NPIPB2: variants seen among roughly 807,000 people sequenced by gnomAD.
NPIPB2 encodes nuclear pore complex-interacting protein family member B2.
A neutral mutation model predicts 30.8 loss-of-function variants in NPIPB2; 27 were observed. That is an observed-to-expected ratio of 0.88 (90% CI 0.65 to 1.21). The LOEUF (loss-of-function observed/expected upper bound fraction) is 1.21. Ranked by LOEUF, NPIPB2 falls within the 50% of genes most tolerant of loss-of-function variation. The pLI is 0.00. For missense variants in NPIPB2, 440 were observed against 446.2 expected (o/e 0.99, Z 0.13); for synonymous variants, 147 against 162.0 (o/e 0.91, Z 0.70).
At chr16:11,966,541 A>C (rs2055195658) in intron 1 of NPIPB2, among the ~76,000 whole-genome samples, 1 of 152,182 alleles carries the variant, frequency 6.6e-6, no homozygotes, top group African/African-American at 2.4e-5. Flanking sequence ...ATTTTCTACA[A>C]TGTCAGTCTT....
chr16:11,970,724 C>T (rs746969063), intron 1 of NPIPB2, among the ~76,000 whole-genome samples: 69 of 151,262 alleles, frequency 4.6e-4, no homozygotes, highest in Non-Finnish European at 7.5e-4. Context: ...TTAATATAGA[C>T]GGGGTTTCAC....
At chr16:11,970,774 T>C (rs1264014606) in intron 1 of NPIPB2, among the ~76,000 whole-genome samples, 1 of 152,058 alleles carries the variant, frequency 6.6e-6, no homozygotes. Flanking sequence ...GACCTCGTGA[T>C]CTACCTGCCT....
At chr16:11,937,748 C>G in intron 1 of NPIPB2, 80 bp from the exon 2 acceptor site, 1 of 1,517,698 alleles carries the variant, frequency 6.6e-7, no homozygotes, top group Non-Finnish European at 9.0e-7. Context: ...TCCTTAGAAA[C>G]CGTCAACCTC....
intron 1 of NPIPB2, among the ~76,000 whole-genome samples, chr16:11,940,673 T>C (rs923011133): frequency 1.1e-4 from 15 of 142,730 alleles, no homozygotes; most frequent in East Asian, 4.2e-4. Context: ...GGCAGGACAA[T>C]TGCTTGAACC....
At chr16:11,944,500 C>T (rs1033388477), upstream of NPIPB2, among the ~76,000 whole-genome samples, 5 of 151,434 alleles carry the variant, frequency 3.3e-5, no homozygotes, top group South Asian at 2.1e-4. Flanking sequence ...CGGTAGCTCA[C>T]GCCTGTAATC....
At chr16:11,952,227 A>T (rs917055870) in intron 1 of NPIPB2, among the ~76,000 whole-genome samples, 4 of 150,728 alleles carry the variant, frequency 2.7e-5, no homozygotes, top group South Asian at 2.1e-4. Context: ...GGGCGTCTGT[A>T]GTCCCAGCTA....
intron 1 of NPIPB2, among the ~76,000 whole-genome samples, chr16:11,958,341 G>A (rs112557495): frequency 0.021 from 3,189 of 151,628 alleles, 107 homozygotes; most frequent in African/African-American, 0.073. Context: ...GGCAGGAGAC[G>A]TGCTTGAACC....
chr16:11,949,719 C>T (rs2055045923), intron 1 of NPIPB2, among the ~76,000 whole-genome samples: 1 of 152,214 alleles, frequency 6.6e-6, no homozygotes, highest in Admixed American at 6.5e-5. Context: ...ATGGAGCTGG[C>T]TGGACAGCAT....
At chr16:11,951,883 G>T (rs572348635) in intron 1 of NPIPB2, among the ~76,000 whole-genome samples, 1 of 152,074 alleles carries the variant, frequency 6.6e-6, no homozygotes, top group Non-Finnish European at 1.5e-5. Context: ...AAAGAGGCTG[G>T]GCGCGGTGGC....
At chr16:11,952,221 G>A (rs950668527) in intron 1 of NPIPB2, among the ~76,000 whole-genome samples, 1 of 150,962 alleles carries the variant, frequency 6.6e-6, no homozygotes, top group Non-Finnish European at 1.5e-5. Flanking sequence ...GGTGGCGGGC[G>A]TCTGTAGTCC....
At chr16:11,954,734 T>C (rs1368956972) in intron 1 of NPIPB2, among the ~76,000 whole-genome samples, 5 of 151,562 alleles carry the variant, frequency 3.3e-5, no homozygotes, top group East Asian at 2.0e-4. Flanking sequence ...GGTGAAACCC[T>C]ATCTCTACTA....
At chr16:11,968,200 G>C in intron 1 of NPIPB2, 1 of 230,210 alleles carries the variant, frequency 4.3e-6, no homozygotes, top group Non-Finnish European at 8.6e-6. Flanking sequence ...GTTTTGGCCA[G>C]GCGCGGTGGC....
chr16:11,927,675 T>G lies in NPIPB2; in HGVS notation c.892A>C (p.Lys298Gln), dbSNP rs779420190. The G allele has an allele frequency of 2.0e-4, 322 of 1,597,688 alleles. 1 individual carries two copies. The highest frequency in any genetic ancestry group is 1.7e-3 in the East Asian group (75 of 44,850). ...GTGAGCAGACACTCGGGAGGTGTCT[T>G]GAGATTATCATCCGCTGAGGGTGGA... Residue 298 changes from lysine (K) to glutamine (Q), a missense_variant, in exon 8 of 8, where the codon AAG (lysine) becomes CAG (glutamine). Physicochemically the swap from Lys to Gln is moderately conservative, Grantham distance 53 (BLOSUM62 1). Transcript: ENST00000399147.
chr16:11,932,668 C>T (rs1166371210), intron 4 of NPIPB2, among the ~76,000 whole-genome samples: 1 of 125,108 alleles, frequency 8.0e-6, no homozygotes, highest in African/African-American at 2.9e-5. Flanking sequence ...CCCAGCTACT[C>T]AAGAGGCTGT....
At chr16:11,976,389 G>C (rs2150951569) in intron 1 of NPIPB2, among the ~76,000 whole-genome samples, 1 of 152,292 alleles carries the variant, frequency 6.6e-6, no homozygotes, top group African/African-American at 2.4e-5. Flanking sequence ...AGGCCCTCCG[G>C]GATTGCCCAT....
At chr16:11,955,170 G>A (rs1265893763) in intron 1 of NPIPB2, among the ~76,000 whole-genome samples, 11 of 150,638 alleles carry the variant, frequency 7.3e-5, no homozygotes, top group Non-Finnish European at 1.5e-4. Context: ...CCTGGCCAAC[G>A]TGGTGAAACC....
At chr16:11,944,104 G>A (rs574047656), upstream of NPIPB2, among the ~76,000 whole-genome samples, 1 of 150,606 alleles carries the variant, frequency 6.6e-6, no homozygotes, top group African/African-American at 2.4e-5. Context: ...TTTAAAACAT[G>A]AGGTGAAGAT....
At position 11,958,076 on chromosome 16, in the gene NPIPB2, A is replaced by G. The variant is rs986277220; in HGVS notation, c.-583-15962T>C. Among the ~76,000 whole-genome samples the G allele has an allele frequency of 2.0e-5, 3 of 152,012 alleles. 1 individual carries two copies. The highest frequency in any genetic ancestry group is 4.8e-5 in the African/African-American group (2 of 41,396). ...AATCCTATGATGAGAACTTTCTAAC[A>G]TTGTCTTTATTGAGTCACTCAGGAC... On this transcript the variant is annotated intron_variant, in intron 1 of 5. Transcript: ENST00000538896.
intron 1 of NPIPB2, among the ~76,000 whole-genome samples, chr16:11,975,141 CTTT>C (rs1195309022): frequency 2.4e-4 from 9 of 37,516 alleles, no homozygotes; most frequent in African/African-American, 4.7e-4. Context: ...AATCCATCAC[CTTT>C]TTTTTTTTTT....
Sources: gnomAD v4.1 joint callset for allele counts (sites outside exome capture counted in the v4.1 genomes callset) on GRCh38, gnomAD v4.1.1 for gene constraint, MANE v1.5 for transcripts, NCBI Gene and HGNC (gene_info 2026-07-23, HGNC 2026-07-21) for gene names.